NCKAP5: variants seen among roughly 807,000 people sequenced by gnomAD.
NCKAP5 encodes the protein NCK associated protein 5.
In NCKAP5, 92 loss-of-function variants were observed where a neutral mutation model predicts 167.0. The ratio of observed to expected loss-of-function variants is 0.55; its 90% CI spans 0.47 to 0.66. NCKAP5 has a LOEUF of 0.66. NCKAP5 is among the 30% of genes least tolerant of loss of function. NCKAP5 has a pLI of 0.00. For synonymous variants in NCKAP5, 891 were observed against 877.4 expected (o/e 1.02, Z -0.27); for missense variants, 2,378 against 2,315.0 (o/e 1.03, Z -0.56).
At chr2:132,724,310 T>G (rs1170308175) in intron 19 of NCKAP5, among the ~76,000 whole-genome samples, 1 of 152,234 alleles carries the variant, frequency 6.6e-6, no homozygotes, top group Non-Finnish European at 1.5e-5. Flanking sequence ...GTTTATGATA[T>G]CTATTGTTTA....
the NCKAP5 span, among the ~76,000 whole-genome samples, chr2:133,624,190 C>T: frequency 6.6e-5 from 10 of 152,124 alleles, no homozygotes; most frequent in Admixed American, 5.9e-4. Flanking sequence ...GTACACTGCT[C>T]GGGTGATGGG....
Position 132,892,619 on chromosome 2 carries a change from T to A in NCKAP5, c.580-13703A>T, listed in dbSNP as rs1352309009. On this transcript the variant is annotated intron_variant, in intron 8 of 19. Transcript: ENST00000409261. ...CCACCAGGTATTTTAGAAGTTAAAC[T>A]ATGCAAAACTCATTGACTGATTTGC... Among the ~76,000 whole-genome samples the A allele has an allele frequency of 2.6e-5, 4 of 152,200 alleles. No homozygotes were observed. The East Asian group carries it at 7.7e-4, about 29-fold the overall frequency.
intron 4 of NCKAP5, among the ~76,000 whole-genome samples, chr2:133,287,757 G>A (rs1679261193): frequency 6.6e-6 from 1 of 152,192 alleles, no homozygotes. Flanking sequence ...CAGGTGGGCT[G>A]AGGAATGCAT....
intron 12 of NCKAP5, among the ~76,000 whole-genome samples, chr2:132,790,428 C>A (rs75456430): frequency 6.6e-6 from 1 of 152,076 alleles, no homozygotes; most frequent in Non-Finnish European, 1.5e-5. Flanking sequence ...CATTAGCCTA[C>A]GGTTGGGCAA....
At chr2:132,680,819 A>G (rs1047559790) in intron 19 of NCKAP5, among the ~76,000 whole-genome samples, 5 of 152,218 alleles carry the variant, frequency 3.3e-5, no homozygotes, top group Non-Finnish European at 5.9e-5. Context: ...AAGTTGGGAT[A>G]AAATTGTTAT....
rs1053490743 is a variant in NCKAP5, at chr2:133,499,538, G to C, written c.69+17920C>G. Among the ~76,000 whole-genome samples, 4 of 123,866 alleles carry C rather than the reference G, an allele frequency of 3.2e-5. No individual in the cohort carries two copies. The East Asian group carries it at 1.0e-3, about 32-fold the overall frequency. The allele number at this position is 123,866 out of a possible 152,430, so 81.3% of individuals were successfully genotyped here. A position where few individuals can be genotyped will look rare whatever the true frequency, so the allele number is the denominator to read the frequency against. ...AATGCTGAAGAAAAGTGACATAAAA[G>C]TCTAAGTGTTCTTTTTTGTTTTTTG... On this transcript the variant is annotated intron_variant, in intron 3 of 19. Coordinates refer to ENST00000409261, the MANE Select transcript of NCKAP5 (RefSeq NM_207363.3).
chr2:133,188,914 C>A (rs568061533), intron 5 of NCKAP5, among the ~76,000 whole-genome samples: 3 of 151,706 alleles, frequency 2.0e-5, no homozygotes, highest in Admixed American at 1.3e-4. Context: ...AGCTAGCAGA[C>A]GGCAAGTAAT....
rs564180152 is a variant in NCKAP5, at chr2:133,237,461, T to G, written c.144-23682A>C. 2.0e-5 allele frequency among the ~76,000 whole-genome samples: 3 copies of G among 152,332 alleles called. No homozygotes were observed. In the South Asian group the frequency reaches 6.2e-4, roughly 32 times the overall value. The stretch of plus-strand genomic sequence containing the variant: ...AAAACTGAAGAAAAAACTTCAAGAC[T>G]TTGAAAGCACCCATTTACATATGAC... On this transcript the variant is annotated intron_variant, in intron 4 of 19. Transcript: ENST00000409261.
intron 11 of NCKAP5, among the ~76,000 whole-genome samples, chr2:132,825,612 G>A (rs965569959): frequency 2.0e-5 from 3 of 152,200 alleles, no homozygotes; most frequent in Non-Finnish European, 4.4e-5. Flanking sequence ...TATTATGGGA[G>A]AGGAAAGAGA....
intron 5 of NCKAP5, among the ~76,000 whole-genome samples, chr2:133,180,939 T>C (rs907813158): frequency 6.6e-6 from 1 of 151,746 alleles, no homozygotes; most frequent in Non-Finnish European, 1.5e-5. Flanking sequence ...TAATAAGGGA[T>C]TAAAATCCAA....
chr2:132,973,751 AAAAG>A (rs1178924857), intron 7 of NCKAP5, among the ~76,000 whole-genome samples: 1 of 151,998 alleles, frequency 6.6e-6, no homozygotes, highest in African/African-American at 2.4e-5. Context: ...AAAAAAACAA[AAAAG>A]AAAACCTTCT....
intron 3 of NCKAP5, among the ~76,000 whole-genome samples, chr2:133,461,915 T>C (rs1692222924): frequency 1.3e-5 from 2 of 152,222 alleles, no homozygotes; most frequent in African/African-American, 4.8e-5. Context: ...GACTCTGCTA[T>C]TTCTTCTGCT....
chr2:133,082,093 G>A (rs1429305991), intron 6 of NCKAP5, among the ~76,000 whole-genome samples: 1 of 152,070 alleles, frequency 6.6e-6, no homozygotes, highest in Non-Finnish European at 1.5e-5. Flanking sequence ...GTGTCTATGT[G>A]TTCTCAATGT....
chr2:132,977,821 G>A (rs556367845), intron 7 of NCKAP5, among the ~76,000 whole-genome samples: 1 of 148,928 alleles, frequency 6.7e-6, no homozygotes, highest in Admixed American at 6.7e-5. Context: ...AATTGCTTGA[G>A]GATTTGTACT....
intron 4 of NCKAP5, among the ~76,000 whole-genome samples, chr2:133,239,736 AAC>A (rs2087593097): frequency 6.6e-6 from 1 of 152,206 alleles, no homozygotes; most frequent in Non-Finnish European, 1.5e-5. Flanking sequence ...ATAAAACTGA[AAC>A]ACTGCTTTGC....
chr2:132,695,181 T>A (rs1687187605), intron 19 of NCKAP5, among the ~76,000 whole-genome samples: 1 of 152,044 alleles, frequency 6.6e-6, no homozygotes, highest in South Asian at 2.1e-4. Context: ...TTTCAACATA[T>A]GAATTGTGGG....
intron 15 of NCKAP5, among the ~76,000 whole-genome samples, chr2:132,777,763 G>C (rs1270830168): frequency 6.6e-6 from 1 of 152,102 alleles, no homozygotes; most frequent in Non-Finnish European, 1.5e-5. Context: ...ATAACAATTT[G>C]TGTAATTATT....
At chr2:132,720,615 G>A (rs1368556252) in intron 19 of NCKAP5, among the ~76,000 whole-genome samples, 1 of 152,166 alleles carries the variant, frequency 6.6e-6, no homozygotes, top group African/African-American at 2.4e-5. Flanking sequence ...GGGAGTGGGT[G>A]GTGGGAGGGC....
chr2:133,590,969 G>A, the NCKAP5 span, among the ~76,000 whole-genome samples: 1 of 151,980 alleles, frequency 6.6e-6, no homozygotes. Flanking sequence ...TATTTTGTGT[G>A]TTGTATGATG....
Sources: gnomAD v4.1 joint callset for allele counts (sites outside exome capture counted in the v4.1 genomes callset) on GRCh38, gnomAD v4.1.1 for gene constraint, MANE v1.5 for transcripts, NCBI Gene and HGNC (gene_info 2026-07-23, HGNC 2026-07-21) for gene names.